The following LRRC4C variants were observed in gnomAD, a reference collection of about 807,000 sequenced individuals.
LRRC4C encodes leucine-rich repeat-containing protein 4C.
In LRRC4C, 5 loss-of-function variants were observed where a neutral mutation model predicts 33.6. The ratio of observed to expected loss-of-function variants is 0.15; its 90% CI spans 0.08 to 0.31. The LOEUF (loss-of-function observed/expected upper bound fraction) is 0.31. Among genes scored for constraint, LRRC4C ranks in the 10% least tolerant of loss-of-function variants. The pLI, the probability that LRRC4C is intolerant of heterozygous loss-of-function variation, is 1.00. For missense variants in LRRC4C, 560 were observed against 796.7 expected (o/e 0.70, Z 3.58); for synonymous variants, 329 against 302.0 (o/e 1.09, Z -0.93).
At chr11:40,891,841 GA>G (rs1375304021) in intron 2 of LRRC4C, among the ~76,000 whole-genome samples, 4 of 152,072 alleles carry the variant, frequency 2.6e-5, no homozygotes, top group Non-Finnish European at 5.9e-5. Flanking sequence ...GAACAGTATA[GA>G]AGTTCTTCGG....
intron 5 of LRRC4C, among the ~76,000 whole-genome samples, chr11:40,181,857 A>T (rs944250230): frequency 3.3e-5 from 5 of 152,132 alleles, no homozygotes; most frequent in African/African-American, 4.8e-5. Context: ...AGCACAGCTT[A>T]CCCCGGGACT....
intron 3 of LRRC4C, among the ~76,000 whole-genome samples, chr11:40,544,483 G>T (rs571164248): frequency 6.6e-6 from 1 of 152,114 alleles, no homozygotes; most frequent in African/African-American, 2.4e-5. Flanking sequence ...GAGCTCCAAA[G>T]AAATGAAAAG....
chr11:40,530,242 A>G (rs1364824041), intron 3 of LRRC4C, among the ~76,000 whole-genome samples: 1 of 152,112 alleles, frequency 6.6e-6, no homozygotes, highest in African/African-American at 2.4e-5. Flanking sequence ...TTTAAATATA[A>G]TATCCAATTA....
At chr11:40,241,058 TGG>T (rs1212585901) in intron 5 of LRRC4C, among the ~76,000 whole-genome samples, 1 of 152,176 alleles carries the variant, frequency 6.6e-6, no homozygotes, top group Non-Finnish European at 1.5e-5. Context: ...AAAAGCCTTT[TGG>T]TTATGAAATA....
intron 2 of LRRC4C, among the ~76,000 whole-genome samples, chr11:40,814,044 A>C (rs1489888876): frequency 6.6e-6 from 1 of 152,072 alleles, no homozygotes; most frequent in East Asian, 1.9e-4. Flanking sequence ...TGCACAGTGC[A>C]AGCTGTCAGT....
chr11:40,410,504 T>A (rs1186142055), intron 3 of LRRC4C, among the ~76,000 whole-genome samples: 1 of 152,066 alleles, frequency 6.6e-6, no homozygotes, highest in Non-Finnish European at 1.5e-5. Context: ...GGTCTTTTCA[T>A]GTTGTCAACT....
intron 2 of LRRC4C, among the ~76,000 whole-genome samples, chr11:40,900,286 C>T (rs943813196): frequency 6.6e-6 from 1 of 152,182 alleles, no homozygotes; most frequent in Admixed American, 6.5e-5. Context: ...TGGTTTGAAA[C>T]GTGCCCATCA....
At chr11:41,202,974 C>T (rs1007439668) in intron 1 of LRRC4C, among the ~76,000 whole-genome samples, 14 of 152,032 alleles carry the variant, frequency 9.2e-5, no homozygotes, top group South Asian at 2.1e-4. Context: ...TTAGTAGAGA[C>T]GGGGTTTCAC....
chr11:40,340,840 A>G (rs913562728), intron 3 of LRRC4C, among the ~76,000 whole-genome samples: 1 of 152,310 alleles, frequency 6.6e-6, no homozygotes, highest in Non-Finnish European at 1.5e-5. Flanking sequence ...AGAGGAGCAA[A>G]TAAAAAAATG....
At chr11:40,329,905 C>T (rs1402730104) in intron 3 of LRRC4C, among the ~76,000 whole-genome samples, 8 of 151,958 alleles carry the variant, frequency 5.3e-5, no homozygotes, top group Admixed American at 2.6e-4. Context: ...ACACACCCGG[C>T]TAATTTTTTG....
At chr11:40,781,430 C>T (rs1230266916) in intron 2 of LRRC4C, among the ~76,000 whole-genome samples, 2 of 152,092 alleles carry the variant, frequency 1.3e-5, no homozygotes, top group Non-Finnish European at 2.9e-5. Context: ...CAAGGCTTCA[C>T]TTTAGGATTG....
At chr11:40,888,082 A>G (rs1955543619) in intron 2 of LRRC4C, among the ~76,000 whole-genome samples, 1 of 151,974 alleles carries the variant, frequency 6.6e-6, no homozygotes, top group Non-Finnish European at 1.5e-5. Flanking sequence ...AGATCAACAT[A>G]TGTCTCATTT....
At chr11:41,400,916 A>G (rs1399588430) in intron 1 of LRRC4C, among the ~76,000 whole-genome samples, 1 of 151,796 alleles carries the variant, frequency 6.6e-6, no homozygotes, top group Admixed American at 6.6e-5. Context: ...ATGCTGCTGA[A>G]CATATCTTGA....
chr11:41,158,846 T>G (rs1172835578), intron 1 of LRRC4C, among the ~76,000 whole-genome samples: 1 of 152,148 alleles, frequency 6.6e-6, no homozygotes, highest in East Asian at 1.9e-4. Flanking sequence ...CACAGAATTA[T>G]AGCACAAACA....
At chr11:40,713,374 T>C (rs772902485) in intron 2 of LRRC4C, among the ~76,000 whole-genome samples, 55 of 152,192 alleles carry the variant, frequency 3.6e-4, no homozygotes, top group Non-Finnish European at 7.5e-4. Context: ...TTCCTAATAC[T>C]TCTATCTGGG....
intron 4 of LRRC4C, among the ~76,000 whole-genome samples, chr11:40,309,515 A>T (rs201311993): frequency 1.4e-5 from 2 of 146,026 alleles, no homozygotes; most frequent in African/African-American, 5.0e-5. Flanking sequence ...GCAGAAGTGT[A>T]TTTTTTTTTT....
At position 40,582,862 on chromosome 11, in the gene LRRC4C, A is replaced by G. The variant is rs997576195; in HGVS notation, c.-270+65280T>C. ...AGATGCATAATAATTGTACATATTTATGGAGTACATGATATGTTTTGATAC... is the reference window on the plus strand; with the variant it reads ...AGATGCATAATAATTGTACATATTTGTGGAGTACATGATATGTTTTGATAC... On this transcript the variant is annotated intron_variant, in intron 3 of 6. Coordinates refer to ENST00000528697, the MANE Select transcript of LRRC4C (RefSeq NM_001258419.2). 3.3e-5 allele frequency among the ~76,000 whole-genome samples: 5 copies of G among 152,182 alleles called. No homozygotes were observed. In the South Asian group the frequency reaches 6.2e-4, roughly 19 times the overall value.
At chr11:40,599,410 T>C (rs973842021) in intron 3 of LRRC4C, among the ~76,000 whole-genome samples, 2 of 152,162 alleles carry the variant, frequency 1.3e-5, no homozygotes, top group Admixed American at 6.5e-5. Context: ...ATTGCACCAC[T>C]GCATTTCAGC....
chr11:40,872,499 T>C (rs1013440122), intron 2 of LRRC4C, among the ~76,000 whole-genome samples: 1 of 152,146 alleles, frequency 6.6e-6, no homozygotes, highest in African/African-American at 2.4e-5. Flanking sequence ...TTTTCTTATA[T>C]ACTCCTTTTG....
Sources: allele counts gnomAD v4.1 joint callset (sites outside exome capture counted in the v4.1 genomes callset), GRCh38; gene constraint gnomAD v4.1.1; transcripts MANE v1.5; gene names NCBI Gene and HGNC (gene_info 2026-07-23, HGNC 2026-07-21).